The following CIMIP6 variants were observed in gnomAD, a reference collection of about 807,000 sequenced individuals.
CIMIP6 encodes ciliary microtubule inner protein 6.
At chr2:54,367,982 C>A in the CIMIP6 span, among the ~76,000 whole-genome samples, 2 of 152,122 alleles carry the variant, frequency 1.3e-5, no homozygotes, top group African/African-American at 4.8e-5. Flanking sequence ...ATCTAGTCAA[C>A]CTTACACTAG....
chr2:54,380,870 G>T, the CIMIP6 span, among the ~76,000 whole-genome samples: 2 of 152,112 alleles, frequency 1.3e-5, no homozygotes, highest in African/African-American at 4.8e-5. Flanking sequence ...TTCCTCTACA[G>T]ATATTTTCAA....
At chr2:54,381,755 A>G in the CIMIP6 span, 3 of 1,420,924 alleles carry the variant, frequency 2.1e-6, no homozygotes, top group Admixed American at 6.5e-5. Context: ...TCATGGGCAC[A>G]TTTCAGAACT....
the CIMIP6 span, among the ~76,000 whole-genome samples, chr2:54,376,332 T>C: frequency 2.0e-5 from 3 of 152,260 alleles, no homozygotes; most frequent in Admixed American, 6.5e-5. Context: ...AATTTTTTCA[T>C]GCAAACAGTT....
At chr2:54,381,956 A>G in the CIMIP6 span, 5 of 1,548,018 alleles carry the variant, frequency 3.2e-6, no homozygotes, top group African/African-American at 2.7e-5. Context: ...GTTTCATGCC[A>G]TCTTATTTTC....
the CIMIP6 span, chr2:54,359,118 G>T: frequency 8.1e-6 from 9 of 1,110,862 alleles, no homozygotes; most frequent in Middle Eastern, 1.9e-4. Flanking sequence ...AGACAGAGTA[G>T]ATTTGTAGAA....
At chr2:54,358,812 C>T in the CIMIP6 span, 6 of 468,782 alleles carry the variant, frequency 1.3e-5, no homozygotes, top group South Asian at 5.2e-5. Context: ...ATGGTGAATC[C>T]ATTCTATTTA....
chr2:54,363,419 G>A, the CIMIP6 span, among the ~76,000 whole-genome samples: 1 of 152,070 alleles, frequency 6.6e-6, no homozygotes, highest in South Asian at 2.1e-4. Context: ...AACATAGCAG[G>A]GAAACAGAAA....
chr2:54,342,846 C>A, the CIMIP6 span, among the ~76,000 whole-genome samples: 33 of 152,174 alleles, frequency 2.2e-4, no homozygotes, highest in African/African-American at 7.2e-4. Flanking sequence ...ATTCCAGGAA[C>A]TCCTAGGTGT....
At chr2:54,343,950 C>A in the CIMIP6 span, 3 of 1,229,076 alleles carry the variant, frequency 2.4e-6, no homozygotes, top group South Asian at 2.1e-5. Context: ...ATTAGATGTC[C>A]GGACAGCTCC....
At chr2:54,332,344 C>G in the CIMIP6 span, among the ~76,000 whole-genome samples, 1 of 152,166 alleles carries the variant, frequency 6.6e-6, no homozygotes, top group East Asian at 1.9e-4. Flanking sequence ...TCCGCCTTTC[C>G]CCATTAGAGT....
the CIMIP6 span, among the ~76,000 whole-genome samples, chr2:54,339,430 G>C: frequency 2.7e-5 from 2 of 74,982 alleles, 1 homozygote; most frequent in Non-Finnish European, 7.0e-5. Context: ...ATTTCCCAAA[G>C]TCATTTAACT....
chr2:54,352,249 G>A, the CIMIP6 span, among the ~76,000 whole-genome samples: 4 of 151,656 alleles, frequency 2.6e-5, no homozygotes, highest in Non-Finnish European at 5.9e-5. Flanking sequence ...TTAGTAGTGT[G>A]TAAATCCCAG....
chr2:54,382,413 C>T, the CIMIP6 span, among the ~76,000 whole-genome samples: 43 of 152,258 alleles, frequency 2.8e-4, 1 homozygote, highest in African/African-American at 9.6e-4. Context: ...TGCAACTAAT[C>T]GAAAGATTCC....
the CIMIP6 span, among the ~76,000 whole-genome samples, chr2:54,367,983 C>T: frequency 6.6e-6 from 1 of 152,080 alleles, no homozygotes; most frequent in Non-Finnish European, 1.5e-5. Context: ...TCTAGTCAAC[C>T]TTACACTAGG....
chr2:54,363,830 C>A, the CIMIP6 span, among the ~76,000 whole-genome samples: 1 of 152,118 alleles, frequency 6.6e-6, no homozygotes, highest in Non-Finnish European at 1.5e-5. Flanking sequence ...AGTACTTTAA[C>A]CATTAGGAAA....
chr2:54,380,142 T>C, the CIMIP6 span, among the ~76,000 whole-genome samples: 1 of 152,006 alleles, frequency 6.6e-6, no homozygotes, highest in Non-Finnish European at 1.5e-5. Context: ...AGACCCCATC[T>C]CAAAAAAATA....
the CIMIP6 span, among the ~76,000 whole-genome samples, chr2:54,368,456 C>T: frequency 6.6e-6 from 1 of 152,342 alleles, no homozygotes; most frequent in African/African-American, 2.4e-5. Context: ...ATTTCCATAA[C>T]CCTAGTGCAT....
At chr2:54,345,650 G>A in the CIMIP6 span, among the ~76,000 whole-genome samples, 1 of 152,114 alleles carries the variant, frequency 6.6e-6, no homozygotes, top group East Asian at 1.9e-4. Flanking sequence ...TGAATAATTG[G>A]CATTTGCACC....
At chr2:54,366,481 T>C in the CIMIP6 span, among the ~76,000 whole-genome samples, 2 of 152,216 alleles carry the variant, frequency 1.3e-5, no homozygotes, top group Non-Finnish European at 2.9e-5. Context: ...TATACAATGA[T>C]TGAGCATTTT....
Sources: gnomAD v4.1 joint callset for allele counts (sites outside exome capture counted in the v4.1 genomes callset) on GRCh38, gnomAD v4.1.1 for gene constraint, MANE v1.5 for transcripts, NCBI Gene and HGNC (gene_info 2026-07-23, HGNC 2026-07-21) for gene names.